REPS1: variants seen among roughly 807,000 people sequenced by gnomAD.
The protein encoded by REPS1 is ralBP1-associated Eps domain-containing protein 1.
REPS1 carries 39 observed loss-of-function variants against 100.9 expected under a neutral mutation model. The ratio of observed to expected loss-of-function variants is 0.39; its 90% CI spans 0.30 to 0.50. The LOEUF (loss-of-function observed/expected upper bound fraction) is 0.50. Ranked by LOEUF, REPS1 falls within the 20% of genes least tolerant of loss-of-function variation. The pLI is 0.86. For synonymous variants in REPS1, 324 were observed against 340.3 expected (o/e 0.95, Z 0.53); for missense variants, 821 against 968.5 (o/e 0.85, Z 2.02).
intron 1 of REPS1, among the ~76,000 whole-genome samples, chr6:138,965,394 G>A (rs184705625): frequency 6.6e-6 from 1 of 151,662 alleles, no homozygotes; most frequent in East Asian, 1.9e-4. Flanking sequence ...AAGATTAAAG[G>A]TAAGAAAGGA....
intron 1 of REPS1, among the ~76,000 whole-genome samples, chr6:138,953,762 AACC>A (rs1270249162): frequency 6.6e-6 from 1 of 152,138 alleles, no homozygotes; most frequent in Non-Finnish European, 1.5e-5. Flanking sequence ...AACTAGTTAT[AACC>A]ACTATGGAGA....
At chr6:138,939,533 A>G (rs1425981767) in intron 8 of REPS1, among the ~76,000 whole-genome samples, 1 of 152,250 alleles carries the variant, frequency 6.6e-6, no homozygotes, top group Non-Finnish European at 1.5e-5. Context: ...ATTCACTGAC[A>G]AATATAACAG....
chr6:138,936,909 A>G (rs1476561256), intron 8 of REPS1, among the ~76,000 whole-genome samples: 1 of 152,236 alleles, frequency 6.6e-6, no homozygotes, highest in Non-Finnish European at 1.5e-5. Context: ...TAAATGTGAT[A>G]GCTCTATATA....
intron 1 of REPS1, among the ~76,000 whole-genome samples, chr6:138,987,056 T>TA (rs1283104473): frequency 1.3e-5 from 2 of 152,266 alleles, no homozygotes; most frequent in Non-Finnish European, 2.9e-5. Context: ...TTGCTTCCTT[T>TA]AAAAAAACTG....
At position 138,945,543 on chromosome 6, in the gene REPS1, T is replaced by C. The variant is rs1782556416; in HGVS notation, c.432A>G (p.Val144=). Residue 144 remains valine (V), a synonymous_variant, in exon 3 of 20, where the codon GTA becomes GTG. Coordinates refer to ENST00000450536, the MANE Select transcript of REPS1 (RefSeq NM_001286611.2). The stretch of plus-strand genomic sequence containing the variant: ...TACGAGGCTGAACCGTATCATGGCT[T>C]ACGGATCCCTTTTTCACTTGCCCCC... The part of the protein sequence containing the change: ...PGRGQVKKGS[V]SHDTVQPRTS... 6.2e-7 allele frequency: 1 copy of C among 1,611,588 alleles called. No homozygotes were observed. The highest frequency in any genetic ancestry group is 2.2e-5 in the East Asian group (1 of 44,838).
In REPS1 at chr6:138,974,134, G is replaced by C. The variant is rs185818468; in HGVS notation, c.153+13396C>G. Among the ~76,000 whole-genome samples, 8 of 151,982 alleles carry C rather than the reference G, an allele frequency of 5.3e-5. No individual in the cohort carries two copies. In the East Asian group the frequency reaches 7.7e-4, roughly 15 times the overall value. On this transcript the variant is annotated intron_variant, in intron 1 of 19. Transcript: ENST00000450536. Reference sequence around the variant, plus strand: ...AATTAATGAAAGGTGTAATTATAGGGTATTAAATTGAAAAAAAATTCTGAA... The same window carrying C: ...AATTAATGAAAGGTGTAATTATAGGCTATTAAATTGAAAAAAAATTCTGAA...
chr6:138,971,589 A>AT (rs879351796), intron 1 of REPS1, among the ~76,000 whole-genome samples: 5 of 148,958 alleles, frequency 3.4e-5, no homozygotes, highest in East Asian at 2.0e-4. Context: ...TCTGCTATAG[A>AT]TAAAAAAAAG....
At position 138,958,628 on chromosome 6, in the gene REPS1, A is replaced by G. The variant is rs533592519; in HGVS notation, c.154-10715T>C. Among the ~76,000 whole-genome samples the G allele has an allele frequency of 1.4e-4, 21 of 152,310 alleles. No homozygotes were observed. The South Asian group carries it at 2.9e-3, about 21-fold the overall frequency. On this transcript the variant is annotated intron_variant, in intron 1 of 19. Transcript: ENST00000450536. ...TTTTGACAATGCAAATTTTGTAAACATATTAGTACATTGTAGTATACTGCA... is the reference window on the plus strand; with the variant it reads ...TTTTGACAATGCAAATTTTGTAAACGTATTAGTACATTGTAGTATACTGCA...
chr6:138,979,111 G>A lies in REPS1; in HGVS notation c.153+8419C>T, dbSNP rs756122870. The stretch of plus-strand genomic sequence containing the variant: ...CAGGAGAATCGCTTCAACCCGGGAG[G>A]CGGAGGTTGCAGTGAGCCAAGACCA... On this transcript the variant is annotated intron_variant, in intron 1 of 19. Coordinates refer to ENST00000450536, the MANE Select transcript of REPS1 (RefSeq NM_001286611.2). Among the ~76,000 whole-genome samples, 103 of 150,234 alleles carry A rather than the reference G, an allele frequency of 6.9e-4. 1 individual carries two copies. Among genetic ancestry groups the A allele is most frequent in the Non-Finnish European group, 1.2e-3 (84 of 67,700 alleles).
At position 138,904,980 on chromosome 6, in the gene REPS1, T is replaced by G. The variant is rs1340589490; in HGVS notation, c.*84A>C. On this transcript the variant is annotated 3_prime_UTR_variant, in exon 20 of 20. Coordinates refer to ENST00000450536, the MANE Select transcript of REPS1 (RefSeq NM_001286611.2). Reference sequence around the variant, plus strand: ...TAAAATTTAATGTTGAGTTAAGCAGTGAGCTGAATGTCTAGGTCTCCAAAT... The same window carrying G: ...TAAAATTTAATGTTGAGTTAAGCAGGGAGCTGAATGTCTAGGTCTCCAAAT... The G allele has an allele frequency of 9.8e-7, 1 of 1,019,116 alleles. No individual in the cohort carries two copies. The highest frequency in any genetic ancestry group is 1.6e-5 in the African/African-American group (1 of 62,966). 63.1% of individuals were successfully genotyped at this position (1,019,116 alleles called of 1,614,324 possible). A position where few individuals can be genotyped will look rare whatever the true frequency, so the allele number is the denominator to read the frequency against.
intron 1 of REPS1, among the ~76,000 whole-genome samples, chr6:138,976,793 G>A (rs2128507570): frequency 6.6e-6 from 1 of 152,284 alleles, no homozygotes; most frequent in East Asian, 1.9e-4. Context: ...ACACAGAACA[G>A]TGAATAAATG....
intron 2 of REPS1, among the ~76,000 whole-genome samples, chr6:138,946,032 A>G (rs1582798191): frequency 6.6e-6 from 1 of 152,226 alleles, no homozygotes. Flanking sequence ...CTATTTACAG[A>G]TAAGAAAACT....
At chr6:138,909,046 G>A (rs1402851826) in intron 17 of REPS1, 1 of 482,930 alleles carries the variant, frequency 2.1e-6, no homozygotes, top group East Asian at 3.9e-5. Context: ...AGTATTTTTA[G>A]AGCAACATAC....
chr6:138,958,322 A>G (rs1227285527), intron 1 of REPS1, among the ~76,000 whole-genome samples: 1 of 152,220 alleles, frequency 6.6e-6, no homozygotes, highest in African/African-American at 2.4e-5. Context: ...TTTATTGTTA[A>G]GTTCTTGTGA....
chr6:138,982,822 T>C (rs1785028409), intron 1 of REPS1, among the ~76,000 whole-genome samples: 1 of 152,218 alleles, frequency 6.6e-6, no homozygotes, highest in African/African-American at 2.4e-5. Flanking sequence ...TGAACACACC[T>C]TAAAACATCT....
chr6:138,920,350 A>G (rs1349534434), intron 11 of REPS1, 34 bp from the exon 12 acceptor site: 1 of 1,171,716 alleles, frequency 8.5e-7, no homozygotes, highest in Non-Finnish European at 1.3e-6. Context: ...AATACAAGAC[A>G]TAGGTATTTG....
At chr6:138,912,647 G>A in intron 16 of REPS1, 118 bp downstream of exon 16, 1 of 943,228 alleles carries the variant, frequency 1.1e-6, no homozygotes, top group South Asian at 1.4e-5. Flanking sequence ...AAGATGAGAA[G>A]CACTGACCCA....
chr6:138,984,078 CTTTTTT>C (rs748774209), intron 1 of REPS1, among the ~76,000 whole-genome samples: 1 of 134,448 alleles, frequency 7.4e-6, no homozygotes, highest in African/African-American at 2.8e-5. Flanking sequence ...CTCTCTCTCT[CTTTTTT>C]TTTTTTTTTT....
At chr6:138,951,832 G>C (rs370078950) in intron 1 of REPS1, among the ~76,000 whole-genome samples, 20 of 152,206 alleles carry the variant, frequency 1.3e-4, no homozygotes, top group African/African-American at 4.8e-4. Flanking sequence ...TAATTTCTTA[G>C]CTGAGCATCA....
Sources: gnomAD v4.1 joint callset for allele counts (sites outside exome capture counted in the v4.1 genomes callset) on GRCh38, gnomAD v4.1.1 for gene constraint, MANE v1.5 for transcripts, NCBI Gene and HGNC (gene_info 2026-07-23, HGNC 2026-07-21) for gene names.